Variants in TMEM74 observed in about 807,000 individuals in gnomAD.
TMEM74 encodes transmembrane protein 74.
TMEM74 carries 13 observed loss-of-function variants against 18.1 expected under a neutral mutation model. The ratio of observed to expected loss-of-function variants is 0.72; its 90% CI spans 0.47 to 1.14. The LOEUF is 1.14. Ranked by LOEUF, TMEM74 falls within the 50% of genes most tolerant of loss-of-function variation. TMEM74 has a pLI of 0.00. For synonymous variants in TMEM74, 159 were observed against 146.6 expected (o/e 1.08, Z -0.61); for missense variants, 372 against 375.9 (o/e 0.99, Z 0.09).
At chr8:108,606,894 G>A (rs1022321283) in exon 4 of TMEM74, 12 of 152,224 alleles carry the variant, frequency 7.9e-5, no homozygotes, top group African/African-American at 2.9e-4. Context: ...TTGGAGGTAA[G>A]GAACTCAGGA....
intron 1 of TMEM74, among the ~76,000 whole-genome samples, chr8:108,662,941 G>A (rs1812914674): frequency 6.6e-6 from 1 of 152,136 alleles, no homozygotes; most frequent in Admixed American, 6.6e-5. Flanking sequence ...TAGCCTTGTA[G>A]TATAGTTTGA....
At chr8:108,719,367 C>A (rs1394890329) in intron 1 of TMEM74, among the ~76,000 whole-genome samples, 2 of 152,052 alleles carry the variant, frequency 1.3e-5, no homozygotes, top group Non-Finnish European at 2.9e-5. Context: ...TCATTGTAGT[C>A]TTCCACAATA....
intron 1 of TMEM74, among the ~76,000 whole-genome samples, chr8:108,665,627 T>C (rs1232686433): frequency 6.6e-6 from 1 of 152,170 alleles, no homozygotes; most frequent in Non-Finnish European, 1.5e-5. Flanking sequence ...TGCTTAAAGT[T>C]AGTATGCCTA....
At chr8:108,657,146 C>G (rs1812827837) in intron 1 of TMEM74, among the ~76,000 whole-genome samples, 1 of 152,090 alleles carries the variant, frequency 6.6e-6, no homozygotes, top group East Asian at 1.9e-4. Flanking sequence ...TTGAGTCATT[C>G]CAGGTTAGAG....
intron 1 of TMEM74, among the ~76,000 whole-genome samples, chr8:108,678,389 G>A (rs1209525501): frequency 6.6e-6 from 1 of 152,052 alleles, no homozygotes; most frequent in Non-Finnish European, 1.5e-5. Context: ...TTTTGAGATG[G>A]AGTCTCACTC....
intron 2 of TMEM74, among the ~76,000 whole-genome samples, chr8:108,614,453 A>G (rs1262331229): frequency 6.6e-6 from 1 of 152,184 alleles, no homozygotes; most frequent in Non-Finnish European, 1.5e-5. Context: ...TAGAAACAAG[A>G]CTCGCAAAGA....
At chr8:108,629,522 C>T (rs1223999901) in intron 2 of TMEM74, among the ~76,000 whole-genome samples, 1 of 151,944 alleles carries the variant, frequency 6.6e-6, no homozygotes, top group Admixed American at 6.6e-5. Context: ...AACCCCAAGA[C>T]ACATAATTGT....
chr8:108,777,916 A>T (rs915580523), downstream of TMEM74, among the ~76,000 whole-genome samples: 1 of 152,194 alleles, frequency 6.6e-6, no homozygotes, highest in Non-Finnish European at 1.5e-5. Flanking sequence ...TGTTGGCTTA[A>T]TCTCCTTTTT....
chr8:108,654,707 C>T (rs992101741), intron 2 of TMEM74, among the ~76,000 whole-genome samples: 1 of 151,856 alleles, frequency 6.6e-6, no homozygotes, highest in South Asian at 2.1e-4. Flanking sequence ...TGAATCAATA[C>T]CTTTATTCCT....
chr8:108,697,362 A>T (rs1440667892), intron 1 of TMEM74, among the ~76,000 whole-genome samples: 1 of 152,218 alleles, frequency 6.6e-6, no homozygotes, highest in Non-Finnish European at 1.5e-5. Context: ...ATTGAATTAT[A>T]TATGACAGGC....
At chr8:108,624,755 C>T (rs534470323) in intron 2 of TMEM74, among the ~76,000 whole-genome samples, 12 of 151,974 alleles carry the variant, frequency 7.9e-5, no homozygotes, top group African/African-American at 2.9e-4. Flanking sequence ...GAGTTAAAGA[C>T]CATAGTAAAG....
chr8:108,680,549 C>T (rs1813102709), intron 1 of TMEM74, among the ~76,000 whole-genome samples: 2 of 152,202 alleles, frequency 1.3e-5, no homozygotes, highest in Non-Finnish European at 2.9e-5. Context: ...GACAAACCCA[C>T]AGCCAATATC....
At chr8:108,666,802 C>T (rs1249585374) in intron 1 of TMEM74, among the ~76,000 whole-genome samples, 6 of 152,068 alleles carry the variant, frequency 3.9e-5, no homozygotes, top group Non-Finnish European at 8.8e-5. Flanking sequence ...CAGAATCCTA[C>T]CCAAATACTG....
In TMEM74 at chr8:108,784,630, A is replaced by T. The variant is rs754678196; in HGVS notation, c.469T>A (p.Ser157Thr). The T allele has an allele frequency of 1.2e-6, 2 of 1,614,148 alleles. No homozygotes were observed. The highest frequency in any genetic ancestry group is 1.7e-6 in the Non-Finnish European group (2 of 1,180,028). Residue 157 changes from serine (S) to threonine (T), a missense_variant, in exon 2 of 2, where the codon TCT (serine) becomes ACT (threonine). Coordinates refer to ENST00000297459, the MANE Select transcript of TMEM74 (RefSeq NM_153015.3). The stretch of plus-strand genomic sequence containing the variant: ...GAACTTGTATCATCCTCCTCTTCAG[A>T]TATCAAAGATATGGCAGCCTCTTGG... ...WSQEAAISLI[S>T]EEEDDTSSEA...
intron 1 of TMEM74, among the ~76,000 whole-genome samples, chr8:108,667,863 G>A (rs1171969801): frequency 6.6e-6 from 1 of 151,994 alleles, no homozygotes; most frequent in Non-Finnish European, 1.5e-5. Context: ...CTCTTTAAAT[G>A]AACGAAATTG....
intron 1 of TMEM74, among the ~76,000 whole-genome samples, chr8:108,719,900 G>T (rs1005307517): frequency 6.6e-6 from 1 of 151,998 alleles, no homozygotes. Flanking sequence ...GTTTCGATTT[G>T]TTGGAAGGTA....
intron 1 of TMEM74, among the ~76,000 whole-genome samples, chr8:108,739,718 G>T (rs1234403061): frequency 6.6e-6 from 1 of 152,064 alleles, no homozygotes; most frequent in East Asian, 1.9e-4. Context: ...AGTCCAAGAG[G>T]GCTTTTTCTT....
chr8:108,765,407 C>CTTTTTTTT lies in TMEM74; in HGVS notation n.119+22061_119+22068dup, dbSNP rs61334796. On this transcript the variant is annotated intron_variant and non_coding_transcript_variant, in intron 1 of 3. Coordinates refer to the TMEM74 transcript ENST00000518838. ...CTAAGGTCTTAGCAGTTTGGAACTA[C>CTTTTTTTT]TTTTTTTTTTTTTTTTTTAGATGGA... Among the ~76,000 whole-genome samples, 6 of 120,714 alleles carry CTTTTTTTT rather than the reference C, an allele frequency of 5.0e-5. 1 individual carries two copies. The highest frequency in any genetic ancestry group is 9.4e-5 in the African/African-American group (3 of 31,870). 79.2% of individuals were successfully genotyped at this position (120,714 alleles called of 152,430 possible).
chr8:108,673,122 A>T (rs1428058353), intron 1 of TMEM74, among the ~76,000 whole-genome samples: 1 of 152,208 alleles, frequency 6.6e-6, no homozygotes, highest in Non-Finnish European at 1.5e-5. Flanking sequence ...GTATTTCATG[A>T]AAAGAATGCC....
Sources: allele counts gnomAD v4.1 joint callset (sites outside exome capture counted in the v4.1 genomes callset), GRCh38; gene constraint gnomAD v4.1.1; transcripts MANE v1.5; gene names NCBI Gene and HGNC (gene_info 2026-07-23, HGNC 2026-07-21).